The following HERC4 variants were observed in gnomAD, a reference collection of about 807,000 sequenced individuals.
HERC4 encodes the protein probable E3 ubiquitin-protein ligase HERC4.
In HERC4, 28 loss-of-function variants were observed where a neutral mutation model predicts 124.3. That is an observed-to-expected ratio of 0.23 (90% CI 0.17 to 0.31). The LOEUF is 0.31. Among genes scored for constraint, HERC4 ranks in the 10% least tolerant of loss-of-function variants. The pLI is 1.00. For missense variants in HERC4, 713 were observed against 1,229.3 expected, an observed-to-expected ratio of 0.58 and a Z score of 6.28; for synonymous variants, 407 against 421.5, an observed-to-expected ratio of 0.97 and a Z score of 0.42.
At chr10:68,020,697 A>T (rs1420299994) in intron 8 of HERC4, among the ~76,000 whole-genome samples, 2 of 149,736 alleles carry the variant, frequency 1.3e-5, no homozygotes, top group East Asian at 4.0e-4. Context: ...TGAACCCGGG[A>T]GGCGGAGCTT....
At chr10:67,957,036 G>A in intron 16 of HERC4, 60 bp from the exon 17 acceptor site, 1 of 928,960 alleles carries the variant, frequency 1.1e-6, no homozygotes, top group Non-Finnish European at 1.6e-6. Context: ...TACTGTGGAT[G>A]CTGACATTTC....
chr10:68,013,284 A>T (rs1320216350), intron 9 of HERC4, among the ~76,000 whole-genome samples: 1 of 152,186 alleles, frequency 6.6e-6, no homozygotes, highest in Non-Finnish European at 1.5e-5. Flanking sequence ...GATACCAAAA[A>T]TTTTGTGATT....
intron 23 of HERC4, among the ~76,000 whole-genome samples, chr10:67,929,130 G>T (rs1196116162): frequency 6.6e-6 from 1 of 151,562 alleles, no homozygotes. Flanking sequence ...TGATATTTTT[G>T]GGAGGGAGCA....
At chr10:67,977,475 G>A (rs566761171) in intron 15 of HERC4, among the ~76,000 whole-genome samples, 15 of 152,250 alleles carry the variant, frequency 9.9e-5, no homozygotes, top group Admixed American at 3.9e-4. Flanking sequence ...GTGAGACTCA[G>A]CACATTCCCT....
intron 15 of HERC4, among the ~76,000 whole-genome samples, 153 bp from the exon 16 acceptor site, chr10:67,966,955 C>T (rs541852352): frequency 2.1e-4 from 32 of 152,276 alleles, no homozygotes; most frequent in African/African-American, 3.9e-4. Flanking sequence ...CCCGGGTTCA[C>T]GCCATTCTCC....
At chr10:68,072,687 T>C (rs372796707) in intron 3 of HERC4, among the ~76,000 whole-genome samples, 196 bp downstream of exon 3, 1 of 151,756 alleles carries the variant, frequency 6.6e-6, no homozygotes, top group Non-Finnish European at 1.5e-5. Flanking sequence ...ATAATACTAG[T>C]AGTAAAAAAA....
At chr10:68,049,386 G>A (rs538549421) in intron 3 of HERC4, among the ~76,000 whole-genome samples, 43 of 151,740 alleles carry the variant, frequency 2.8e-4, no homozygotes, top group African/African-American at 7.0e-4. Flanking sequence ...AAGATAAGTC[G>A]GGCACAGTGG....
chr10:67,974,150 C>T (rs1461979872), intron 15 of HERC4, among the ~76,000 whole-genome samples: 2 of 147,186 alleles, frequency 1.4e-5, no homozygotes, highest in African/African-American at 5.0e-5. Context: ...ACAAGACAAC[C>T]TTTCTTAGTT....
chr10:68,042,055 C>T (rs560561363), intron 4 of HERC4, among the ~76,000 whole-genome samples: 135 of 152,230 alleles, frequency 8.9e-4, no homozygotes, highest in Non-Finnish European at 1.8e-3. Flanking sequence ...CTCGCTCTGT[C>T]GCTTAGGCTG....
At chr10:68,045,281 C>T (rs1015163757) in intron 3 of HERC4, among the ~76,000 whole-genome samples, 9 of 152,204 alleles carry the variant, frequency 5.9e-5, no homozygotes, top group African/African-American at 2.2e-4. Context: ...CAAGATCATG[C>T]CACTGCACTC....
chr10:68,040,303 G>A lies in HERC4; in HGVS notation c.387-2134C>T, dbSNP rs76113304. Reference sequence around the variant, plus strand: ...AGAGACCAGAAGTATATTCTTCTGCGTCATTACTGTGTTAAAGAAAAAACT... The same window carrying A: ...AGAGACCAGAAGTATATTCTTCTGCATCATTACTGTGTTAAAGAAAAAACT... On this transcript the variant is annotated intron_variant, in intron 4 of 24. Transcript: ENST00000373700. 131 of 972,826 alleles carry A rather than the reference G, an allele frequency of 1.3e-4. 1 individual carries two copies. In the East Asian group the frequency reaches 0.011, roughly 83 times the overall value. The allele number at this position is 972,826 out of a possible 1,614,324, so 60.3% of individuals were successfully genotyped here. A position where few individuals can be genotyped will look rare whatever the true frequency, so the allele number is the denominator to read the frequency against.
intron 3 of HERC4, among the ~76,000 whole-genome samples, chr10:68,059,657 C>CATA (rs574195120): frequency 0.031 from 1,127 of 36,776 alleles, 271 homozygotes; most frequent in African/African-American, 0.17. Context: ...TATTATATAT[C>CATA]ATATTATATA....
chr10:67,996,000 G>C (rs1403451345), intron 9 of HERC4: 1 of 306,868 alleles, frequency 3.3e-6, no homozygotes, highest in Non-Finnish European at 6.4e-6. Flanking sequence ...TTCTCTATCT[G>C]AAAGTGTCCT....
intron 23 of HERC4, among the ~76,000 whole-genome samples, chr10:67,928,977 A>G (rs1218814566): frequency 1.3e-5 from 2 of 151,696 alleles, no homozygotes; most frequent in African/African-American, 4.8e-5. Flanking sequence ...TTAGAATTCA[A>G]TTTTCCTCTG....
At chr10:67,971,411 TA>T (rs1157362144) in intron 15 of HERC4, among the ~76,000 whole-genome samples, 1 of 152,018 alleles carries the variant, frequency 6.6e-6, no homozygotes, top group Non-Finnish European at 1.5e-5. Flanking sequence ...TTAAATCCAA[TA>T]ATATATATAA....
At chr10:68,027,429 C>A (rs1246741569) in intron 7 of HERC4, among the ~76,000 whole-genome samples, 1 of 152,202 alleles carries the variant, frequency 6.6e-6, no homozygotes, top group African/African-American at 2.4e-5. Flanking sequence ...GTCATCAAAT[C>A]ATTTCACCCA....
In HERC4 at chr10:68,072,517, A is replaced by G. The variant is rs552290587; in HGVS notation, c.226+366T>C. Among the ~76,000 whole-genome samples, 22 of 152,292 alleles carry G rather than the reference A, an allele frequency of 1.4e-4. No individual in the cohort carries two copies. The South Asian group carries it at 4.4e-3, about 30-fold the overall frequency. On this transcript the variant is annotated intron_variant, in intron 3 of 24. Coordinates refer to ENST00000373700, the MANE Select transcript of HERC4 (RefSeq NM_015601.4). ...TTGTTTTCCTCCCCCCTCCCAAAGT[A>G]AGGTAAACACAGAGTAAATTATGCA...
rs1461478002 is a variant in HERC4, at chr10:67,922,362, A to AGAT, written c.*566_*568dup. On this transcript the variant is annotated 3_prime_UTR_variant, in exon 25 of 25. Transcript: ENST00000373700. The stretch of plus-strand genomic sequence containing the variant: ...GACACTTATTCTAGCAAAAAAGAAA[A>AGAT]GATAGTGTTTCCACCATGCTACCTT... 2 of 152,200 alleles carry AGAT rather than the reference A, an allele frequency of 1.3e-5. No homozygotes were observed. The highest frequency in any genetic ancestry group is 2.9e-5 in the Non-Finnish European group (2 of 68,024). The allele number at this position is 152,200 out of a possible 1,614,324, so 9.4% of individuals were successfully genotyped here.
At chr10:67,992,705 T>C (rs767490830) in intron 9 of HERC4, 23 bp from the exon 10 acceptor site, 4 of 1,213,880 alleles carry the variant, frequency 3.3e-6, no homozygotes, top group Non-Finnish European at 4.7e-6. Context: ...TGTAAAAAAT[T>C]AAAAGCCAAG....
Sources: allele counts gnomAD v4.1 joint callset (sites outside exome capture counted in the v4.1 genomes callset), GRCh38; gene constraint gnomAD v4.1.1; transcripts MANE v1.5; gene names NCBI Gene and HGNC (gene_info 2026-07-23, HGNC 2026-07-21).